Variants in PAX5 observed in about 807,000 individuals in gnomAD.
The protein encoded by PAX5 is paired box protein Pax-5.
Under a neutral mutation model 43.7 loss-of-function variants are expected in PAX5, and 9 were observed. That is an observed-to-expected ratio of 0.21 (90% confidence interval 0.12 to 0.36). The LOEUF is 0.36. Ranked by LOEUF, PAX5 falls within the 10% of genes least tolerant of loss-of-function variation. PAX5 has a pLI of 1.00. For missense variants in PAX5, 383 were observed against 532.7 expected (o/e 0.72, Z 2.77); for synonymous variants, 228 against 214.3 (o/e 1.06, Z -0.56).
chr9:36,920,825 T>C (rs13300513), intron 7 of PAX5, among the ~76,000 whole-genome samples: 39,226 of 134,586 alleles, frequency 0.29, 3,499 homozygotes, highest in South Asian at 0.37. Flanking sequence ...TTTTTTTTTT[T>C]TTTTTGAGAC....
intron 7 of PAX5, among the ~76,000 whole-genome samples, chr9:36,909,561 G>A (rs1254458439): frequency 1.3e-5 from 2 of 152,202 alleles, no homozygotes; most frequent in African/African-American, 4.8e-5. Context: ...CTGTTGGGCA[G>A]GAATGAAGGT....
rs1188447586 is a variant in PAX5, at chr9:36,882,137, A to G, written c.911-32T>C. 2 of 1,529,852 alleles carry G rather than the reference A, an allele frequency of 1.3e-6. No individual in the cohort carries two copies. Among genetic ancestry groups the G allele is most frequent in the African/African-American group, 1.4e-5 (1 of 72,730 alleles). The allele number at this position is 1,529,852 out of a possible 1,614,324, so 94.8% of individuals were successfully genotyped here. A position where few individuals can be genotyped will look rare whatever the true frequency, so the allele number is the denominator to read the frequency against. On this transcript the variant is annotated intron_variant, in intron 7 of 9. Coordinates refer to ENST00000358127, the MANE Select transcript of PAX5 (RefSeq NM_016734.3). This position sits in a 1 kb window ranked among gnomAD's most constrained non-coding sequence, Gnocchi z 4.4. Reference sequence around the variant, plus strand: ...AATCAAAGCAACAAATCACAGGGTGAGCATCTTCGCGGCCAGCCGCTCATG... The same window carrying G: ...AATCAAAGCAACAAATCACAGGGTGGGCATCTTCGCGGCCAGCCGCTCATG...
At chr9:36,960,313 G>GCACATA (rs1181854042) in intron 6 of PAX5, among the ~76,000 whole-genome samples, 20 of 152,214 alleles carry the variant, frequency 1.3e-4, no homozygotes, top group Non-Finnish European at 2.5e-4. Flanking sequence ...ACACGTTCAT[G>GCACATA]CACATACACA....
chr9:36,854,430 C>T (rs1823458199), intron 8 of PAX5, among the ~76,000 whole-genome samples: 1 of 152,038 alleles, frequency 6.6e-6, no homozygotes, highest in African/African-American at 2.4e-5. Flanking sequence ...TGGATGTGTA[C>T]ACACACACAT....
intron 5 of PAX5, among the ~76,000 whole-genome samples, chr9:36,976,321 A>G (rs569249280): frequency 6.6e-6 from 1 of 152,320 alleles, no homozygotes; most frequent in South Asian, 2.1e-4. Flanking sequence ...TATTCTCTGC[A>G]TGGTGCTGTT....
intron 6 of PAX5, among the ~76,000 whole-genome samples, chr9:36,951,362 A>G (rs1167360930): frequency 1.3e-5 from 2 of 152,156 alleles, no homozygotes; most frequent in Non-Finnish European, 2.9e-5. Flanking sequence ...TCATTTGTTC[A>G]TTGACATTTT....
chr9:36,990,632 T>C (rs1446701723), intron 5 of PAX5, among the ~76,000 whole-genome samples: 1 of 152,194 alleles, frequency 6.6e-6, no homozygotes, highest in Non-Finnish European at 1.5e-5. Context: ...AAGAGAGTGC[T>C]TGGACTAAGG....
At chr9:36,881,416 C>G (rs1244386153) in intron 8 of PAX5, among the ~76,000 whole-genome samples, 1 of 152,102 alleles carries the variant, frequency 6.6e-6, no homozygotes, top group African/African-American at 2.4e-5. Context: ...CACACCACCC[C>G]ACAATGTAAG....
chr9:37,012,358 G>A (rs1452729813), intron 3 of PAX5, among the ~76,000 whole-genome samples: 1 of 152,172 alleles, frequency 6.6e-6, no homozygotes, highest in Non-Finnish European at 1.5e-5. Context: ...CCAAGTCACT[G>A]TTCCTCTGCA....
At position 36,850,775 on chromosome 9, in the gene PAX5, C is replaced by T. The variant is rs529622975; in HGVS notation, c.1013-3846G>A. On this transcript the variant is annotated intron_variant, in intron 8 of 9. Transcript: ENST00000358127. Reference sequence around the variant, plus strand: ...CACATGGCCATTCTCAGAGGTGGTTCCTGGCGCTCTCTGGAGTTGGTCACA... The same window carrying T: ...CACATGGCCATTCTCAGAGGTGGTTTCTGGCGCTCTCTGGAGTTGGTCACA... Among the ~76,000 whole-genome samples the T allele has an allele frequency of 2.0e-5, 3 of 152,346 alleles. No homozygotes were observed. In the East Asian group the frequency reaches 5.8e-4, roughly 29 times the overall value.
rs1826072755 is a variant in PAX5, at chr9:36,877,991, C to T, written c.1012+4013G>A. On this transcript the variant is annotated intron_variant, in intron 8 of 9. Transcript: ENST00000358127. ...ATGGAGCAGGGAAACACTGAAAACTCCTGCCTTGGAGCAATGCAGCTGCAG... is the reference window on the plus strand; with the variant it reads ...ATGGAGCAGGGAAACACTGAAAACTTCTGCCTTGGAGCAATGCAGCTGCAG... Among the ~76,000 whole-genome samples the T allele has an allele frequency of 5.3e-5, 8 of 152,234 alleles. No homozygotes were observed. In the South Asian group the frequency reaches 1.7e-3, roughly 32 times the overall value.
chr9:36,928,654 T>G (rs1830853877), intron 6 of PAX5, among the ~76,000 whole-genome samples: 1 of 152,152 alleles, frequency 6.6e-6, no homozygotes, highest in Non-Finnish European at 1.5e-5. Context: ...AGTGATACGC[T>G]AACATCCCCT....
intron 6 of PAX5, among the ~76,000 whole-genome samples, chr9:36,924,219 AGTCAC>A (rs1315784305): frequency 6.6e-6 from 1 of 152,218 alleles, no homozygotes; most frequent in Non-Finnish European, 1.5e-5. Flanking sequence ...TTAGCCCATG[AGTCAC>A]GCTCCTTTCT....
chr9:36,974,757 T>TGCTA (rs1362813324), intron 5 of PAX5, among the ~76,000 whole-genome samples: 2 of 152,176 alleles, frequency 1.3e-5, no homozygotes, highest in Non-Finnish European at 2.9e-5. Context: ...GTCCAAATAA[T>TGCTA]GCTAGCTGCT....
At chr9:36,958,840 C>A (rs973880924) in intron 6 of PAX5, among the ~76,000 whole-genome samples, 3 of 152,214 alleles carry the variant, frequency 2.0e-5, no homozygotes, top group Non-Finnish European at 4.4e-5. Context: ...ATGTGCTGAC[C>A]AGCCTACTCC....
At position 36,882,231 on chromosome 9, in the gene PAX5, T is replaced by C; in HGVS notation, c.911-126A>G. 2 of 652,612 alleles carry C rather than the reference T, an allele frequency of 3.1e-6. No homozygotes were observed. Among genetic ancestry groups the C allele is most frequent in the Non-Finnish European group, 5.2e-6 (2 of 387,596 alleles). The allele number at this position is 652,612 out of a possible 1,614,324, so 40.4% of individuals were successfully genotyped here. ...CGCTGAACGGCAATGTGCCCCCAGC[T>C]CCCCCCTGTCGCTCACACGCTCTCA... On this transcript the variant is annotated intron_variant, in intron 7 of 9. Coordinates refer to ENST00000358127, the MANE Select transcript of PAX5 (RefSeq NM_016734.3). The surrounding 1 kb of genome is among the most constrained non-coding windows in gnomAD (Gnocchi z 4.4).
intron 1 of PAX5, among the ~76,000 whole-genome samples, chr9:37,028,899 C>T (rs769310917): frequency 1.3e-5 from 2 of 152,146 alleles, no homozygotes; most frequent in African/African-American, 2.4e-5. Flanking sequence ...CTAGCGAGTC[C>T]GCTTCTTTGT....
At chr9:37,011,839 G>T (rs745586755) in intron 3 of PAX5, among the ~76,000 whole-genome samples, 8 of 152,162 alleles carry the variant, frequency 5.3e-5, no homozygotes, top group Non-Finnish European at 1.2e-4. Flanking sequence ...TTTGAAATCA[G>T]AAAGGGTGAA....
In PAX5 at chr9:36,977,247, C is replaced by T. The variant is rs1835512644; in HGVS notation, c.605-10523G>A. On this transcript the variant is annotated intron_variant, in intron 5 of 9. Transcript: ENST00000358127. ...TCTGTTATTGCTTCCTCCCATTTTA[C>T]AGATGAGGAAACTGAGGCAGGGGGT... Among the ~76,000 whole-genome samples the T allele has an allele frequency of 3.7e-5, 5 of 134,634 alleles. No homozygotes were observed. In the Admixed American group the frequency reaches 4.6e-4, roughly 13 times the overall value. The allele number at this position is 134,634 out of a possible 152,430, so 88.3% of individuals were successfully genotyped here. A position where few individuals can be genotyped will look rare whatever the true frequency, so the allele number is the denominator to read the frequency against.
Sources: gnomAD v4.1 joint callset for allele counts (sites outside exome capture counted in the v4.1 genomes callset) on GRCh38, gnomAD v4.1.1 for gene constraint, Gnocchi (gnomAD v3.1) non-coding constraint, MANE v1.5 for transcripts, NCBI Gene and HGNC (gene_info 2026-07-23, HGNC 2026-07-21) for gene names.